Variants in MSRB3 observed in about 807,000 individuals in gnomAD.
The protein encoded by MSRB3 is methionine-R-sulfoxide reductase B3.
A neutral mutation model predicts 21.0 loss-of-function variants in MSRB3; 13 were observed. That is an observed-to-expected ratio of 0.62 (90% CI 0.40 to 0.98). The LOEUF is 0.98. Among genes scored for constraint, MSRB3 ranks in the 50% least tolerant of loss-of-function variants. The probability of loss-of-function intolerance (pLI) is 0.00; values close to 1 mark genes in which losing one functional copy is unlikely to be tolerated. For synonymous variants in MSRB3, 87 were observed against 88.6 expected, an observed-to-expected ratio of 0.98 and a Z score of 0.10; for missense variants, 199 against 230.3, an observed-to-expected ratio of 0.86 and a Z score of 0.88.
intron 5 of MSRB3, among the ~76,000 whole-genome samples, chr12:65,384,827 A>G (rs1053867938): frequency 6.6e-6 from 1 of 152,110 alleles, no homozygotes; most frequent in Non-Finnish European, 1.5e-5. Flanking sequence ...TCAGTGTGTA[A>G]TTTTTTAAAA....
At chr12:65,354,893 A>G (rs533008049) in intron 4 of MSRB3, among the ~76,000 whole-genome samples, 26 of 151,894 alleles carry the variant, frequency 1.7e-4, no homozygotes, top group Non-Finnish European at 2.8e-4. Flanking sequence ...AAAATATTTA[A>G]AATTGGAATT....
chr12:65,381,048 A>G (rs1212635404), intron 5 of MSRB3, among the ~76,000 whole-genome samples: 2 of 152,192 alleles, frequency 1.3e-5, no homozygotes, highest in Non-Finnish European at 2.9e-5. Context: ...TTTTGAAGGT[A>G]CTGTAAGAAT....
intron 4 of MSRB3, among the ~76,000 whole-genome samples, chr12:65,344,722 G>C (rs2136479761): frequency 6.6e-6 from 1 of 151,958 alleles, no homozygotes; most frequent in East Asian, 1.9e-4. Flanking sequence ...GCTACATTCA[G>C]GGAAGAGCAG....
intron 5 of MSRB3, among the ~76,000 whole-genome samples, chr12:65,402,495 T>G (rs1880185807): frequency 6.6e-6 from 1 of 152,212 alleles, no homozygotes; most frequent in Admixed American, 6.5e-5. Context: ...AAACTGGTTA[T>G]TCTAGTTAGC....
intron 5 of MSRB3, among the ~76,000 whole-genome samples, chr12:65,407,635 A>T (rs1880486307): frequency 6.6e-6 from 1 of 151,908 alleles, no homozygotes; most frequent in Non-Finnish European, 1.5e-5. Flanking sequence ...TACTTTAAAC[A>T]TTTTCTCTGT....
chr12:65,349,876 G>A (rs1269394699), intron 4 of MSRB3, among the ~76,000 whole-genome samples: 1 of 151,902 alleles, frequency 6.6e-6, no homozygotes, highest in Non-Finnish European at 1.5e-5. Flanking sequence ...TCACTCTGAT[G>A]GTAGTTTCTT....
intron 1 of MSRB3, chr12:65,283,841 T>G (rs1335329686): frequency 1.3e-5 from 2 of 152,266 alleles, no homozygotes; most frequent in African/African-American, 4.8e-5. Flanking sequence ...TGTCTTCTTT[T>G]GAAATTGGAG....
chr12:65,328,013 T>G (rs1875164778), intron 3 of MSRB3, among the ~76,000 whole-genome samples: 1 of 152,216 alleles, frequency 6.6e-6, no homozygotes, highest in African/African-American at 2.4e-5. Flanking sequence ...GCACATAGAC[T>G]TTTTGTTGGG....
chr12:65,352,430 T>G (rs1877074197), intron 4 of MSRB3, among the ~76,000 whole-genome samples: 1 of 149,748 alleles, frequency 6.7e-6, no homozygotes, highest in African/African-American at 2.5e-5. Context: ...CTCTCACCAC[T>G]CCTATTCAAC....
At chr12:65,333,904 T>G (rs951215511) in intron 4 of MSRB3, among the ~76,000 whole-genome samples, 3 of 152,196 alleles carry the variant, frequency 2.0e-5, no homozygotes, top group Non-Finnish European at 2.9e-5. Flanking sequence ...CACATGCATA[T>G]CTGAACTCTG....
At position 65,433,434 on chromosome 12, in the gene MSRB3, G is replaced by T. The variant is rs561604873; in HGVS notation, c.293-20294G>T. 3.0e-4 allele frequency among the ~76,000 whole-genome samples: 46 copies of T among 151,774 alleles called. No individual in the cohort carries two copies. In the South Asian group the frequency reaches 9.6e-3, roughly 32 times the overall value. On this transcript the variant is annotated intron_variant, in intron 5 of 6. Transcript: ENST00000308259. ...AAAAAAATTTTTTTAATTGTCCATG[G>T]TATTCAGTGCAACCACAATTTTCTA...
At chr12:65,445,610 ATATTGTAAATTCCC>A (rs970453175) in intron 5 of MSRB3, among the ~76,000 whole-genome samples, 1 of 151,042 alleles carries the variant, frequency 6.6e-6, no homozygotes, top group Non-Finnish European at 1.5e-5. Context: ...AATTTCATGT[ATATTGTAAATTCCC>A]TACTTTTCAA....
rs115131683 is a variant in MSRB3, at chr12:65,313,036, A to C, written c.76+4381A>C. ...TAAATCACATTGTAGCTAAACAAAA[A>C]ACAAAAGTGGCAACAGATTCAATGC... On this transcript the variant is annotated intron_variant, in intron 2 of 6. Coordinates refer to ENST00000308259, the MANE Select transcript of MSRB3 (RefSeq NM_001031679.3). 2.9e-3 allele frequency among the ~76,000 whole-genome samples: 438 copies of C among 152,270 alleles called. 4 individuals are homozygous for C. The highest frequency in any genetic ancestry group is 9.9e-3 in the African/African-American group (412 of 41,574).
intron 2 of MSRB3, among the ~76,000 whole-genome samples, chr12:65,309,385 A>G (rs1054784077): frequency 2.0e-5 from 3 of 152,206 alleles, no homozygotes; most frequent in Non-Finnish European, 2.9e-5. Context: ...ATTAGTGTAC[A>G]TATCTATCAC....
chr12:65,426,036 T>A (rs1365374321), intron 5 of MSRB3, among the ~76,000 whole-genome samples: 1 of 152,022 alleles, frequency 6.6e-6, no homozygotes, highest in East Asian at 1.9e-4. Context: ...TTTTCTATTT[T>A]TAGTAGAGAG....
At chr12:65,445,940 C>T (rs1344917030) in intron 5 of MSRB3, among the ~76,000 whole-genome samples, 2 of 152,224 alleles carry the variant, frequency 1.3e-5, no homozygotes, top group Admixed American at 6.5e-5. Context: ...CCACCATGCC[C>T]AGCCAAGATA....
chr12:65,446,534 A>G (rs1241038389), intron 5 of MSRB3, among the ~76,000 whole-genome samples: 3 of 152,246 alleles, frequency 2.0e-5, no homozygotes, highest in Non-Finnish European at 4.4e-5. Context: ...TATTAAAAAA[A>G]AAATCTTGCC....
At chr12:65,414,215 G>C (rs139146170) in intron 5 of MSRB3, among the ~76,000 whole-genome samples, 2 of 152,128 alleles carry the variant, frequency 1.3e-5, no homozygotes, top group African/African-American at 4.8e-5. Context: ...TACAGAATAG[G>C]CTATAGAGAG....
At chr12:65,444,472 T>C (rs937752246) in intron 5 of MSRB3, among the ~76,000 whole-genome samples, 9 of 152,212 alleles carry the variant, frequency 5.9e-5, no homozygotes, top group African/African-American at 2.2e-4. Flanking sequence ...TGTCTAAATA[T>C]TTTTATATCA....
Sources: gnomAD v4.1 joint callset for allele counts (sites outside exome capture counted in the v4.1 genomes callset) on GRCh38, gnomAD v4.1.1 for gene constraint, MANE v1.5 for transcripts, NCBI Gene and HGNC (gene_info 2026-07-23, HGNC 2026-07-21) for gene names.